Variants in DLC1 observed in about 807,000 individuals in gnomAD.
DLC1 encodes the protein DLC1 Rho GTPase activating protein.
DLC1 carries 54 observed loss-of-function variants against 140.3 expected under a neutral mutation model. That is an observed-to-expected ratio of 0.38 (90% CI 0.31 to 0.48). The LOEUF (loss-of-function observed/expected upper bound fraction) is 0.48, where lower values mean the gene tolerates loss of function less well. Ranked by LOEUF, DLC1 falls within the 20% of genes least tolerant of loss-of-function variation. DLC1 has a pLI of 0.96. For synonymous variants in DLC1, 986 were observed against 728.1 expected (o/e 1.35, Z -5.70); for missense variants, 2,536 against 1,907.0 (o/e 1.33, Z -6.14).
chr8:13,125,411 A>G (rs1255160278), intron 5 of DLC1, among the ~76,000 whole-genome samples: 2 of 152,260 alleles, frequency 1.3e-5, no homozygotes, highest in South Asian at 4.1e-4. Context: ...GAGAGGAAGA[A>G]AACACTTCAA....
At chr8:13,295,268 A>T (rs1396296341) in intron 5 of DLC1, among the ~76,000 whole-genome samples, 1 of 152,002 alleles carries the variant, frequency 6.6e-6, no homozygotes, top group Admixed American at 6.5e-5. Flanking sequence ...TGTGAGTCAC[A>T]GAAACGTGGT....
intron 4 of DLC1, among the ~76,000 whole-genome samples, chr8:13,310,799 C>T (rs1210411565): frequency 1.3e-5 from 2 of 152,120 alleles, no homozygotes; most frequent in East Asian, 3.8e-4. Context: ...AATTCTCTAG[C>T]TTTGACAGTC....
chr8:13,308,470 A>T lies in DLC1; in HGVS notation c.1315-3168T>A, dbSNP rs373619247. Among the ~76,000 whole-genome samples the T allele has an allele frequency of 7.9e-5, 12 of 152,324 alleles. No individual in the cohort carries two copies. The East Asian group carries it at 9.7e-4, about 12-fold the overall frequency. ...TTTGAGGGAGAACTGTCTCTCTAGA[A>T]AGTTGTTTATGAATAAATATATTAC... On this transcript the variant is annotated intron_variant, in intron 4 of 17. Transcript: ENST00000276297.
chr8:13,184,594 T>G (rs1563145548), intron 5 of DLC1, among the ~76,000 whole-genome samples: 1 of 152,208 alleles, frequency 6.6e-6, no homozygotes, highest in Non-Finnish European at 1.5e-5. Context: ...TCAGTTTCCA[T>G]GTAGTTGTGT....
chr8:13,259,119 G>A (rs1424985234), intron 5 of DLC1, among the ~76,000 whole-genome samples: 3 of 137,548 alleles, frequency 2.2e-5, no homozygotes, highest in East Asian at 4.2e-4. Context: ...CCTGGGCAAC[G>A]CAGTGAAACT....
chr8:13,094,271 T>G (rs2128931756), intron 12 of DLC1, among the ~76,000 whole-genome samples: 1 of 152,336 alleles, frequency 6.6e-6, no homozygotes, highest in South Asian at 2.1e-4. Flanking sequence ...TTTCACATCA[T>G]TCAATAATTA....
chr8:13,461,568 T>C (rs1399892794), intron 2 of DLC1, among the ~76,000 whole-genome samples: 1 of 152,216 alleles, frequency 6.6e-6, no homozygotes, highest in Non-Finnish European at 1.5e-5. Flanking sequence ...ATGATGATGA[T>C]AGTTTTTGTC....
chr8:13,421,899 C>T (rs1002990770), intron 2 of DLC1, among the ~76,000 whole-genome samples: 2 of 152,094 alleles, frequency 1.3e-5, no homozygotes, highest in Non-Finnish European at 2.9e-5. Context: ...ATGTATCTAA[C>T]TTGTTCTCCA....
Position 13,393,693 on chromosome 8 carries a change from C to A in DLC1, c.1174G>T (p.Asp392Tyr). ...TPTNLRRHVP[D>Y]LESGSESGAD... ...CCACTTTCAGATCCTGATTCCAGAT[C>A]CTATTAAAAAACAAATGCACTGGTA... The change falls in exon 4 of 18, where the codon GAT (aspartate) becomes TAT (tyrosine). Residue 392 changes from aspartate to tyrosine, a missense_variant and splice_region_variant. Coordinates refer to ENST00000276297, the MANE Select transcript of DLC1 (RefSeq NM_182643.3). 1 of 1,611,924 alleles carries A rather than the reference C, an allele frequency of 6.2e-7. No homozygotes were observed. The highest frequency in any genetic ancestry group is 8.5e-7 in the Non-Finnish European group (1 of 1,179,310).
chr8:13,525,766 G>C (rs1478896206), intron 1 of DLC1, among the ~76,000 whole-genome samples: 1 of 152,076 alleles, frequency 6.6e-6, no homozygotes, highest in Non-Finnish European at 1.5e-5. Context: ...AGTCTAGCTT[G>C]TCTTTTAGTT....
chr8:13,352,657 G>A (rs1834731301), intron 4 of DLC1, among the ~76,000 whole-genome samples: 1 of 152,168 alleles, frequency 6.6e-6, no homozygotes, highest in Admixed American at 6.5e-5. Context: ...TGGGACTACA[G>A]AGGGGGCTAC....
chr8:13,100,912 T>TTC, intron 8 of DLC1, 142 bp from the exon 9 acceptor site: 1 of 842,548 alleles, frequency 1.2e-6, no homozygotes, highest in East Asian at 3.2e-5. Flanking sequence ...AAGTTTTTTT[T>TTC]TTTTTTTTTT....
At chr8:13,405,241 C>T (rs779596104) in intron 2 of DLC1, among the ~76,000 whole-genome samples, 1 of 152,122 alleles carries the variant, frequency 6.6e-6, no homozygotes, top group African/African-American at 2.4e-5. Context: ...GATCCTGTCA[C>T]CCAGGTAGTG....
chr8:13,307,710 C>G (rs1436456928), intron 4 of DLC1, among the ~76,000 whole-genome samples: 1 of 152,204 alleles, frequency 6.6e-6, no homozygotes, highest in Non-Finnish European at 1.5e-5. Context: ...CTAGTGCTTA[C>G]TGGGTGCTTA....
At chr8:13,462,498 G>A (rs1395969742) in intron 2 of DLC1, among the ~76,000 whole-genome samples, 1 of 151,018 alleles carries the variant, frequency 6.6e-6, no homozygotes, top group Non-Finnish European at 1.5e-5. Context: ...CCGCCTCCCA[G>A]GTTCACGCCA....
rs1203378208 is a variant in DLC1, at chr8:13,401,507, G to A, written c.1136C>T (p.Pro379Leu). 6.2e-7 allele frequency: 1 copy of A among 1,612,862 alleles called. No homozygotes were observed. Among genetic ancestry groups the A allele is most frequent in the African/African-American group, 1.3e-5 (1 of 74,990 alleles). Residue 379 changes from proline to leucine, a missense_variant, in exon 3 of 18, where the codon CCA becomes CTA. Physicochemically the swap from Pro to Leu is moderately conservative, Grantham distance 98. Transcript: ENST00000276297. ...IENALSTSSSPSGTPTNLRRH... is the reference protein window; with the variant it reads ...IENALSTSSSLSGTPTNLRRH... ...CCGCAGGTTTGTTGGTGTGCCTGATGGAGAGGAGCTGGTGCTGAGGGCATT... is the reference window on the plus strand; with the variant it reads ...CCGCAGGTTTGTTGGTGTGCCTGATAGAGAGGAGCTGGTGCTGAGGGCATT...
intron 2 of DLC1, among the ~76,000 whole-genome samples, chr8:13,405,298 CCTT>C (rs1837476471): frequency 2.0e-5 from 3 of 152,082 alleles, no homozygotes; most frequent in Non-Finnish European, 4.4e-5. Flanking sequence ...CTCCCTCCCT[CCTT>C]CTCCCCTCTG....
At chr8:13,195,200 G>C (rs1042697706) in intron 5 of DLC1, among the ~76,000 whole-genome samples, 1 of 152,100 alleles carries the variant, frequency 6.6e-6, no homozygotes, top group Non-Finnish European at 1.5e-5. Context: ...AAGCCTTTGG[G>C]TTCTAATCCC....
intron 2 of DLC1, among the ~76,000 whole-genome samples, chr8:13,453,424 GTGTATA>G (rs1799189109): frequency 3.5e-5 from 2 of 56,538 alleles, no homozygotes; most frequent in Non-Finnish European, 5.1e-5. Context: ...ATATATATAT[GTGTATA>G]TATATATGTA....
Sources: gnomAD v4.1 joint callset for allele counts (sites outside exome capture counted in the v4.1 genomes callset) on GRCh38, gnomAD v4.1.1 for gene constraint, MANE v1.5 for transcripts, NCBI Gene and HGNC (gene_info 2026-07-23, HGNC 2026-07-21) for gene names.